Variants in PLEKHD1 observed in about 807,000 individuals in gnomAD.
PLEKHD1 encodes pleckstrin homology and coiled-coil domain containing D1.
A neutral mutation model predicts 69.2 loss-of-function variants in PLEKHD1; 51 were observed. The ratio of observed to expected loss-of-function variants is 0.74; its 90% CI spans 0.59 to 0.93. The LOEUF is 0.93. PLEKHD1 is among the 40% of genes least tolerant of loss of function. The probability of loss-of-function intolerance (pLI) is 0.00; values close to 1 mark genes in which losing one functional copy is unlikely to be tolerated. For synonymous variants in PLEKHD1, 236 were observed against 244.7 expected, an observed-to-expected ratio of 0.96 and a Z score of 0.33; for missense variants, 584 against 641.0, an observed-to-expected ratio of 0.91 and a Z score of 0.96.
At chr14:69,472,158 A>G in the PLEKHD1 span, among the ~76,000 whole-genome samples, 1 of 152,078 alleles carries the variant, frequency 6.6e-6, no homozygotes, top group Non-Finnish European at 1.5e-5. Flanking sequence ...CTCACCCACA[A>G]CCAGAGAGAG....
upstream of PLEKHD1, among the ~76,000 whole-genome samples, chr14:69,484,487 G>C (rs975034082): frequency 2.0e-5 from 3 of 152,090 alleles, no homozygotes; most frequent in Non-Finnish European, 4.4e-5. Flanking sequence ...GGGCGGGGAC[G>C]GGGACGCGCT....
At chr14:69,508,886 G>T (rs989071013) in intron 6 of PLEKHD1, among the ~76,000 whole-genome samples, 1 of 152,212 alleles carries the variant, frequency 6.6e-6, no homozygotes, top group South Asian at 2.1e-4. Context: ...GGAGCCCAGC[G>T]CCAGGGAGTG....
chr14:69,522,455 A>T (rs914475470), intron 7 of PLEKHD1, 78 bp downstream of exon 7: 2 of 1,413,616 alleles, frequency 1.4e-6, no homozygotes, highest in African/African-American at 2.9e-5. Flanking sequence ...AGATCTGAGG[A>T]GGCCTCCACC....
At position 69,503,863 on chromosome 14, in the gene PLEKHD1, C is replaced by CAAAA. The variant is rs35831952; in HGVS notation, c.555+1007_555+1010dup. Among the ~76,000 whole-genome samples the CAAAA allele has an allele frequency of 7.2e-4, 28 of 39,138 alleles. 1 individual carries two copies. The highest frequency in any genetic ancestry group is 2.2e-3 in the African/African-American group (27 of 12,486). 25.7% of individuals were successfully genotyped at this position (39,138 alleles called of 152,430 possible). On this transcript the variant is annotated intron_variant, in intron 6 of 12. Coordinates refer to ENST00000322564, the MANE Select transcript of PLEKHD1 (RefSeq NM_001161498.2). ...TGGGCGACAGAACGAGACTCCGTCT[C>CAAAA]AAAAAAAAAAAAAAAAAAAAAAAAA... is the stretch of plus-strand genomic sequence containing the variant.
intron 6 of PLEKHD1, among the ~76,000 whole-genome samples, chr14:69,505,228 TG>T (rs1883124598): frequency 6.6e-6 from 1 of 152,190 alleles, no homozygotes; most frequent in African/African-American, 2.4e-5. Context: ...TGGAGAGAAC[TG>T]TGCCTCAGTT....
At chr14:69,469,511 G>A in the PLEKHD1 span, among the ~76,000 whole-genome samples, 4 of 151,996 alleles carry the variant, frequency 2.6e-5, no homozygotes, top group Non-Finnish European at 5.9e-5. Flanking sequence ...TTGGGCTCCA[G>A]TGATCCTCCT....
intron 1 of PLEKHD1, among the ~76,000 whole-genome samples, chr14:69,488,843 T>G (rs1014238773): frequency 6.6e-6 from 1 of 152,186 alleles, no homozygotes; most frequent in Non-Finnish European, 1.5e-5. Flanking sequence ...GATAGGAAAC[T>G]GAGGCACAGA....
chr14:69,528,426 C>T lies in PLEKHD1; in HGVS notation c.*7C>T, dbSNP rs954825847. On this transcript the variant is annotated 3_prime_UTR_variant, in exon 13 of 13. Coordinates refer to ENST00000322564, the MANE Select transcript of PLEKHD1 (RefSeq NM_001161498.2). ...CTCCCGGGGTGGAAAGTGATGGGCG[C>T]TCCTCCCCTGCTTCCCAAGTCTCCC... 2.7e-5 allele frequency: 42 copies of T among 1,549,328 alleles called. No homozygotes were observed. The Admixed American group carries it at 4.7e-4, about 17-fold the overall frequency.
At chr14:69,523,325 T>C (rs1883563954) in intron 7 of PLEKHD1, among the ~76,000 whole-genome samples, 1 of 152,210 alleles carries the variant, frequency 6.6e-6, no homozygotes, top group African/African-American at 2.4e-5. Context: ...GTAGTCATCA[T>C]CGTCATCCTC....
chr14:69,527,369 G>C (rs1485753899), intron 11 of PLEKHD1, 37 bp downstream of exon 11: 2 of 1,550,466 alleles, frequency 1.3e-6, no homozygotes, highest in African/African-American at 2.7e-5. Context: ...CCCAGCTTTG[G>C]CACTCAGCCC....
the PLEKHD1 span, among the ~76,000 whole-genome samples, chr14:69,474,735 C>T: frequency 0.17 from 25,799 of 152,148 alleles, 2,339 homozygotes; most frequent in South Asian, 0.24. Flanking sequence ...TGGCTTTGCT[C>T]CACCGGGTGT....
chr14:69,474,964 TC>T, the PLEKHD1 span, among the ~76,000 whole-genome samples: 1 of 152,182 alleles, frequency 6.6e-6, no homozygotes, highest in Admixed American at 6.5e-5. Context: ...CAGTTGATCC[TC>T]CCACCTCAGC....
chr14:69,496,267 T>A (rs1275726), intron 1 of PLEKHD1, among the ~76,000 whole-genome samples: 10,928 of 152,150 alleles, frequency 0.072, 1,208 homozygotes, highest in African/African-American at 0.24. Context: ...CTTAAGTGGG[T>A]GGGGCTCCAG....
At position 69,500,192 on chromosome 14, in the gene PLEKHD1, TC is replaced by T; in HGVS notation, c.228del (p.Phe76LeufsTer28). 6.5e-7 allele frequency: 1 copy of T among 1,547,712 alleles called. No homozygotes were observed. The highest frequency in any genetic ancestry group is 8.7e-7 in the Non-Finnish European group (1 of 1,143,466). On this transcript the variant is annotated frameshift_variant, in exon 2 of 13. Coordinates refer to ENST00000322564, the MANE Select transcript of PLEKHD1 (RefSeq NM_001161498.2). LOFTEE classifies it high-confidence loss of function. ...AAGAGCTTTGAAACCAATAAATACT[TC>T]AATATACATCCTAAGGTGAGGCGGC... ...EKKSFETNKY[F>X]NIHPKGVIPL...
At chr14:69,513,412 C>T (rs1053837831) in intron 6 of PLEKHD1, among the ~76,000 whole-genome samples, 1 of 152,008 alleles carries the variant, frequency 6.6e-6, no homozygotes, top group African/African-American at 2.4e-5. Context: ...ATATAGGAAT[C>T]GGAAGTGAGG....
At chr14:69,520,212 G>T (rs1048758751) in intron 6 of PLEKHD1, among the ~76,000 whole-genome samples, 20 of 130,116 alleles carry the variant, frequency 1.5e-4, no homozygotes, top group African/African-American at 4.0e-4. Flanking sequence ...GGGCACCTTT[G>T]TTATTTTCCA....
chr14:69,527,726 C>G, intron 11 of PLEKHD1, 57 bp from the exon 12 acceptor site: 1 of 1,534,190 alleles, frequency 6.5e-7, no homozygotes, highest in Non-Finnish European at 8.8e-7. Context: ...AAGGGAGGGA[C>G]TGGCTGGGGG....
chr14:69,499,732 C>G (rs556826244), intron 1 of PLEKHD1, among the ~76,000 whole-genome samples: 1 of 152,240 alleles, frequency 6.6e-6, no homozygotes, highest in African/African-American at 2.4e-5. Context: ...CATCTTCTTG[C>G]GTTCCTTTTC....
upstream of PLEKHD1, among the ~76,000 whole-genome samples, chr14:69,483,400 G>A (rs79072402): frequency 0.18 from 26,848 of 151,770 alleles, 2,605 homozygotes; most frequent in Middle Eastern, 0.26. Flanking sequence ...GTGGGGATGC[G>A]CCTTTAGGCA....
Sources: allele counts gnomAD v4.1 joint callset (sites outside exome capture counted in the v4.1 genomes callset), GRCh38; gene constraint gnomAD v4.1.1; transcripts MANE v1.5; gene names NCBI Gene and HGNC (gene_info 2026-07-23, HGNC 2026-07-21).